The following SGCG variants were observed in gnomAD, a reference collection of about 807,000 sequenced individuals.
The protein encoded by SGCG is sarcoglycan gamma.
Under a neutral mutation model 29.3 loss-of-function variants are expected in SGCG, and 26 were observed. The ratio of observed to expected loss-of-function variants is 0.89; its 90% CI spans 0.65 to 1.23. The LOEUF is 1.23. SGCG is among the 50% of genes most tolerant of loss of function. SGCG has a pLI of 0.00. For missense variants in SGCG, 353 were observed against 356.0 expected (o/e 0.99, Z 0.07); for synonymous variants, 145 against 129.7 (o/e 1.12, Z -0.80).
chr13:23,321,658 C>T (rs2137529753), intron 7 of SGCG, among the ~76,000 whole-genome samples: 1 of 152,240 alleles, frequency 6.6e-6, no homozygotes, highest in Admixed American at 6.5e-5. Flanking sequence ...GGCTGGACGG[C>T]TCAAGATTCC....
At chr13:23,284,113 G>A (rs1390028409) in intron 5 of SGCG, among the ~76,000 whole-genome samples, 1 of 152,108 alleles carries the variant, frequency 6.6e-6, no homozygotes, top group Non-Finnish European at 1.5e-5. Flanking sequence ...GAGTACCTTT[G>A]TTGTGTTCTC....
intron 5 of SGCG, among the ~76,000 whole-genome samples, chr13:23,289,608 A>G (rs1881623480): frequency 7.0e-6 from 1 of 143,324 alleles, no homozygotes; most frequent in Non-Finnish European, 1.5e-5. Context: ...AACATAATTT[A>G]TTTTGAGTTT....
intron 5 of SGCG, among the ~76,000 whole-genome samples, chr13:23,295,062 ATTAG>A (rs895429899): frequency 6.6e-6 from 1 of 152,254 alleles, no homozygotes; most frequent in Non-Finnish European, 1.5e-5. Flanking sequence ...AATCTAGAGA[ATTAG>A]TTAAATTACT....
chr13:23,192,538 C>CAT (rs1292275170), intron 1 of SGCG, among the ~76,000 whole-genome samples: 2 of 151,936 alleles, frequency 1.3e-5, no homozygotes, highest in African/African-American at 4.8e-5. Flanking sequence ...GGATTACAGG[C>CAT]GCCTGCCACC....
At chr13:23,304,615 A>G (rs986115414) in intron 6 of SGCG, among the ~76,000 whole-genome samples, 18 of 146,862 alleles carry the variant, frequency 1.2e-4, no homozygotes, top group Non-Finnish European at 2.4e-4. Flanking sequence ...GGCGGCGGGG[A>G]GGGGAGCGGA....
chr13:23,207,239 T>A (rs1199599327), intron 2 of SGCG, among the ~76,000 whole-genome samples: 1 of 152,198 alleles, frequency 6.6e-6, no homozygotes, highest in Non-Finnish European at 1.5e-5. Context: ...GTTCAACAGA[T>A]GGTGCTGGGA....
At chr13:23,304,351 A>G (rs572560168) in intron 6 of SGCG, among the ~76,000 whole-genome samples, 1 of 152,156 alleles carries the variant, frequency 6.6e-6, no homozygotes, top group African/African-American at 2.4e-5. Context: ...AGAGTTGATT[A>G]TTGTGTGAGG....
intron 5 of SGCG, among the ~76,000 whole-genome samples, chr13:23,286,465 T>C (rs1470640477): frequency 6.6e-6 from 1 of 152,234 alleles, no homozygotes; most frequent in African/African-American, 2.4e-5. Flanking sequence ...AAGATTAATA[T>C]TCACTCTTGT....
At chr13:23,309,337 C>T (rs1882475045) in intron 6 of SGCG, among the ~76,000 whole-genome samples, 1 of 151,976 alleles carries the variant, frequency 6.6e-6, no homozygotes. Context: ...GATCCTTCTG[C>T]CTCAAATGAT....
At chr13:23,279,670 C>T (rs1593216408) in intron 5 of SGCG, among the ~76,000 whole-genome samples, 192 bp downstream of exon 5, 1 of 141,172 alleles carries the variant, frequency 7.1e-6, no homozygotes, top group Admixed American at 7.1e-5. Context: ...CCCCACAGAT[C>T]TTGGCCCACC....
the SGCG span, among the ~76,000 whole-genome samples, chr13:23,165,337 C>A: frequency 6.6e-6 from 1 of 151,948 alleles, no homozygotes. Flanking sequence ...ATTCTCAAGT[C>A]CATAATTATG....
chr13:23,318,297 G>C (rs187168263), intron 6 of SGCG, among the ~76,000 whole-genome samples: 41 of 151,762 alleles, frequency 2.7e-4, no homozygotes, highest in African/African-American at 9.9e-4. Context: ...ATCTCTCAAA[G>C]TCAACTTCCA....
At chr13:23,223,262 G>A (rs1172205945) in intron 2 of SGCG, among the ~76,000 whole-genome samples, 1 of 106,026 alleles carries the variant, frequency 9.4e-6, no homozygotes, top group African/African-American at 4.0e-5. Context: ...GGGCGACAGA[G>A]TCAGACTCTG....
At chr13:23,305,806 C>G (rs1251208847) in intron 6 of SGCG, among the ~76,000 whole-genome samples, 2 of 152,168 alleles carry the variant, frequency 1.3e-5, no homozygotes, top group African/African-American at 2.4e-5. Flanking sequence ...TTTTCTAATA[C>G]TGAACCAATC....
At chr13:23,230,807 A>T (rs1408758762) in intron 2 of SGCG, among the ~76,000 whole-genome samples, 1 of 152,070 alleles carries the variant, frequency 6.6e-6, no homozygotes, top group Non-Finnish European at 1.5e-5. Context: ...TCTGACCAGG[A>T]CCTCTAACAC....
chr13:23,287,492 G>C (rs975950699), intron 5 of SGCG, among the ~76,000 whole-genome samples: 1 of 152,158 alleles, frequency 6.6e-6, no homozygotes, highest in Non-Finnish European at 1.5e-5. Flanking sequence ...GCTGACACCT[G>C]TGAGACCCTG....
At chr13:23,293,797 C>T (rs1382970417) in intron 5 of SGCG, among the ~76,000 whole-genome samples, 1 of 150,824 alleles carries the variant, frequency 6.6e-6, no homozygotes, top group Non-Finnish European at 1.5e-5. Flanking sequence ...TGCCACTGCC[C>T]TTCAGCCTGG....
At position 23,324,551 on chromosome 13, in the gene SGCG, G is replaced by A. The variant is rs139369964; in HGVS notation, c.*10G>A. On this transcript the variant is annotated 3_prime_UTR_variant, in exon 8 of 8. Transcript: ENST00000218867. ...CCACATCTGCCTCTGAGCTGCCTGC[G>A]TCCTCTCGGTGAGCTGTGCAGTGCC... The A allele has an allele frequency of 1.4e-3, 2,197 of 1,607,146 alleles. 23 individuals carry two copies. The African/African-American group carries it at 0.026, about 19-fold the overall frequency.
At chr13:23,279,649 A>G (rs1881226588) in intron 5 of SGCG, among the ~76,000 whole-genome samples, 171 bp downstream of exon 5, 1 of 149,302 alleles carries the variant, frequency 6.7e-6, no homozygotes, top group South Asian at 2.2e-4. Flanking sequence ...CTCCTAGAAG[A>G]ACAAAATCCT....
Sources: gnomAD v4.1 joint callset for allele counts (sites outside exome capture counted in the v4.1 genomes callset) on GRCh38, gnomAD v4.1.1 for gene constraint, MANE v1.5 for transcripts, NCBI Gene and HGNC (gene_info 2026-07-23, HGNC 2026-07-21) for gene names.